The following ADGRV1 variants were observed in gnomAD, a reference collection of about 807,000 sequenced individuals.
ADGRV1 encodes G-protein coupled receptor 98.
Under a neutral mutation model 596.2 loss-of-function variants are expected in ADGRV1, and 359 were observed. The observed-to-expected ratio is 0.60, with a 90% CI of 0.55 to 0.66. The LOEUF (loss-of-function observed/expected upper bound fraction) is 0.66. Ranked by LOEUF, ADGRV1 falls within the 30% of genes least tolerant of loss-of-function variation. The pLI, the probability that ADGRV1 is intolerant of heterozygous loss-of-function variation, is 0.00. For missense variants in ADGRV1, 7,274 were observed against 7,575.6 expected (o/e 0.96, Z 1.48); for synonymous variants, 2,681 against 2,679.2 (o/e 1.00, Z -0.02).
chr5:90,936,113 A>G (rs1775664545), intron 83 of ADGRV1, among the ~76,000 whole-genome samples: 1 of 152,180 alleles, frequency 6.6e-6, no homozygotes, highest in Non-Finnish European at 1.5e-5. Flanking sequence ...AGACTTTATG[A>G]ATCATTGCTC....
intron 58 of ADGRV1, chr5:90,759,826 G>A (rs546145594): frequency 6.6e-5 from 29 of 441,030 alleles, no homozygotes; most frequent in Non-Finnish European, 3.0e-5. Flanking sequence ...TTAGCTGGGC[G>A]TGGTGGCACA....
At chr5:90,653,112 C>A in intron 19 of ADGRV1, 97 bp from the exon 20 acceptor site, 1 of 1,172,808 alleles carries the variant, frequency 8.5e-7, no homozygotes, top group Non-Finnish European at 1.2e-6. Context: ...AATTATTTAA[C>A]CAGAAGTTTG....
intron 83 of ADGRV1, among the ~76,000 whole-genome samples, chr5:90,927,363 G>C (rs1053465235): frequency 1.3e-5 from 2 of 152,062 alleles, no homozygotes; most frequent in African/African-American, 4.8e-5. Context: ...TCTTGTTGTT[G>C]AATTGATCCC....
chr5:90,890,740 C>T (rs1425463099), intron 83 of ADGRV1, among the ~76,000 whole-genome samples: 1 of 152,048 alleles, frequency 6.6e-6, no homozygotes, highest in Admixed American at 6.6e-5. Flanking sequence ...TTCAGTTTGG[C>T]CCCCAAATTG....
intron 6 of ADGRV1, chr5:90,625,898 C>G (rs2149371793): frequency 6.6e-6 from 1 of 152,302 alleles, no homozygotes; most frequent in Non-Finnish European, 1.5e-5. Context: ...CCGCACCCGG[C>G]TTGTTTGGAT....
intron 83 of ADGRV1, among the ~76,000 whole-genome samples, chr5:90,869,637 T>C (rs1354710523): frequency 6.6e-6 from 1 of 152,160 alleles, no homozygotes; most frequent in East Asian, 1.9e-4. Context: ...CTAATAAAAA[T>C]ATCTTATTTT....
intron 21 of ADGRV1, among the ~76,000 whole-genome samples, chr5:90,659,828 C>T (rs1000129470): frequency 1.3e-5 from 2 of 151,986 alleles, no homozygotes; most frequent in African/African-American, 2.4e-5. Context: ...GTCAGAAGAT[C>T]GAGACCATCC....
At chr5:90,598,669 A>C (rs895889620) in intron 1 of ADGRV1, among the ~76,000 whole-genome samples, 2 of 152,176 alleles carry the variant, frequency 1.3e-5, no homozygotes, top group African/African-American at 4.8e-5. Context: ...GACCTCCTTT[A>C]GGAATGCATT....
intron 83 of ADGRV1, among the ~76,000 whole-genome samples, chr5:90,877,513 A>C (rs1293389202): frequency 2.0e-5 from 3 of 151,680 alleles, no homozygotes; most frequent in Non-Finnish European, 2.9e-5. Flanking sequence ...TGAAGTATCT[A>C]GTTCTGTACT....
Position 90,619,196 on chromosome 5 carries a change from T to G in ADGRV1, c.453+15T>G. 1 of 1,129,912 alleles carries G rather than the reference T, an allele frequency of 8.9e-7. No individual in the cohort carries two copies. The highest frequency in any genetic ancestry group is 1.2e-6 in the Non-Finnish European group (1 of 811,366). 70.0% of individuals were successfully genotyped at this position (1,129,912 alleles called of 1,614,324 possible). A position where few individuals can be genotyped will look rare whatever the true frequency, so the allele number is the denominator to read the frequency against. ...CATTTAATATGGTATGGACACAATTTGATGATAATTGTGGTTGCTAGATAA... is the reference window on the plus strand; with the variant it reads ...CATTTAATATGGTATGGACACAATTGGATGATAATTGTGGTTGCTAGATAA... On this transcript the variant is annotated intron_variant, in intron 4 of 89. Coordinates refer to ENST00000405460, the MANE Select transcript of ADGRV1 (RefSeq NM_032119.4).
At chr5:90,766,305 T>A (rs890157827) in intron 59 of ADGRV1, among the ~76,000 whole-genome samples, 1 of 151,378 alleles carries the variant, frequency 6.6e-6, no homozygotes, top group Non-Finnish European at 1.5e-5. Flanking sequence ...GCAAAGCCAA[T>A]CAACCACGCT....
At chr5:90,846,310 A>C (rs1400564609) in intron 78 of ADGRV1, 1 of 152,198 alleles carries the variant, frequency 6.6e-6, no homozygotes, top group Non-Finnish European at 1.5e-5. Flanking sequence ...AGAGAGTGAT[A>C]ATGTAGGTTG....
At chr5:90,611,838 T>G (rs1380941945) in intron 1 of ADGRV1, among the ~76,000 whole-genome samples, 1 of 151,986 alleles carries the variant, frequency 6.6e-6, no homozygotes, top group Non-Finnish European at 1.5e-5. Context: ...ATTTTTAGTG[T>G]GATAGAGGAA....
At chr5:90,873,757 T>C (rs940538125) in intron 83 of ADGRV1, among the ~76,000 whole-genome samples, 5 of 150,710 alleles carry the variant, frequency 3.3e-5, no homozygotes, top group Admixed American at 2.0e-4. Context: ...ATCACGCCAC[T>C]GCACTCCAGC....
chr5:90,676,940 C>G (rs924201831), intron 25 of ADGRV1: 2 of 152,142 alleles, frequency 1.3e-5, no homozygotes, highest in Non-Finnish European at 2.9e-5. Flanking sequence ...CTCATCTGCG[C>G]TAAGTGAGGC....
chr5:91,127,615 G>C (rs1793878924), intron 87 of ADGRV1, among the ~76,000 whole-genome samples: 1 of 151,472 alleles, frequency 6.6e-6, no homozygotes, highest in African/African-American at 2.4e-5. Flanking sequence ...TTATGTCTTA[G>C]AGACATATTT....
At chr5:90,854,884 C>G (rs1766876620) in intron 81 of ADGRV1, among the ~76,000 whole-genome samples, 1 of 152,180 alleles carries the variant, frequency 6.6e-6, no homozygotes, top group African/African-American at 2.4e-5. Flanking sequence ...TGGTAACCAA[C>G]TTTCCTCAAA....
intron 85 of ADGRV1, among the ~76,000 whole-genome samples, chr5:91,052,885 C>G (rs1786480628): frequency 6.6e-6 from 1 of 152,130 alleles, no homozygotes; most frequent in Non-Finnish European, 1.5e-5. Context: ...TCTCCTCCCC[C>G]CAGAAACATG....
intron 17 of ADGRV1, among the ~76,000 whole-genome samples, chr5:90,649,737 C>T (rs1463218308): frequency 7.2e-5 from 11 of 152,196 alleles, no homozygotes; most frequent in Non-Finnish European, 1.3e-4. Context: ...AATTCGCCCG[C>T]CTGGGCCCCC....
Sources: allele counts gnomAD v4.1 joint callset (sites outside exome capture counted in the v4.1 genomes callset), GRCh38; gene constraint gnomAD v4.1.1; transcripts MANE v1.5; gene names NCBI Gene and HGNC (gene_info 2026-07-23, HGNC 2026-07-21).